Variants in CSMD1 observed in about 807,000 individuals in gnomAD.
CSMD1 encodes CUB and sushi domain-containing protein 1.
A neutral mutation model predicts 417.5 loss-of-function variants in CSMD1; 213 were observed. The ratio of observed to expected loss-of-function variants is 0.51; its 90% CI spans 0.46 to 0.57. The LOEUF is 0.57. Ranked by LOEUF, CSMD1 falls within the 20% of genes least tolerant of loss-of-function variation. The pLI, the probability that CSMD1 is intolerant of heterozygous loss-of-function variation, is 0.00. For synonymous variants in CSMD1, 2,862 were observed against 1,736.8 expected (o/e 1.65, Z -16.11); for missense variants, 6,923 against 4,529.7 (o/e 1.53, Z -15.17).
chr8:3,345,115 G>A (rs1375294056), intron 22 of CSMD1, among the ~76,000 whole-genome samples: 1 of 152,120 alleles, frequency 6.6e-6, no homozygotes, highest in African/African-American at 2.4e-5. Flanking sequence ...CATAAAGATG[G>A]GGAAATACGA....
intron 3 of CSMD1, among the ~76,000 whole-genome samples, chr8:4,070,961 C>T (rs1433138012): frequency 6.6e-6 from 1 of 152,156 alleles, no homozygotes; most frequent in Non-Finnish European, 1.5e-5. Flanking sequence ...GTAAAATCAG[C>T]AATAATTTAA....
chr8:4,369,859 A>G (rs1387767096), intron 3 of CSMD1, among the ~76,000 whole-genome samples: 1 of 152,192 alleles, frequency 6.6e-6, no homozygotes, highest in African/African-American at 2.4e-5. Flanking sequence ...GGAAGACAGC[A>G]GAGAGTTGGG....
chr8:4,734,294 T>C (rs1810086182), intron 1 of CSMD1, among the ~76,000 whole-genome samples: 1 of 152,158 alleles, frequency 6.6e-6, no homozygotes, highest in Non-Finnish European at 1.5e-5. Context: ...TGAGCAGTAC[T>C]AAAAAAGCAA....
intron 25 of CSMD1, among the ~76,000 whole-genome samples, chr8:3,294,196 C>G (rs371195838): frequency 6.6e-6 from 1 of 151,784 alleles, no homozygotes; most frequent in Non-Finnish European, 1.5e-5. Flanking sequence ...AGTTTTGTCT[C>G]AGAGTACCAG....
intron 1 of CSMD1, among the ~76,000 whole-genome samples, chr8:4,662,766 C>T (rs59411106): frequency 0.034 from 5,205 of 152,272 alleles, 320 homozygotes; most frequent in African/African-American, 0.12. Context: ...ATGGATGATG[C>T]TCACATTCCT....
chr8:3,674,698 G>T (rs529518647), intron 7 of CSMD1, among the ~76,000 whole-genome samples: 2 of 152,110 alleles, frequency 1.3e-5, no homozygotes, highest in African/African-American at 4.8e-5. Context: ...GGCAGAGAAT[G>T]AGATGAGAGC....
intron 1 of CSMD1, among the ~76,000 whole-genome samples, chr8:4,744,498 G>C (rs911451012): frequency 3.3e-5 from 5 of 152,190 alleles, no homozygotes; most frequent in Middle Eastern, 3.4e-3. Flanking sequence ...TTTAGCATAG[G>C]TTTTTCTTTG....
intron 2 of CSMD1, among the ~76,000 whole-genome samples, chr8:4,430,696 G>C (rs532132528): frequency 6.6e-6 from 1 of 151,658 alleles, no homozygotes; most frequent in Non-Finnish European, 1.5e-5. Context: ...ATAGACTATC[G>C]GAAACAAAAA....
intron 3 of CSMD1, among the ~76,000 whole-genome samples, chr8:4,097,730 T>G (rs938056180): frequency 2.0e-5 from 3 of 152,182 alleles, no homozygotes; most frequent in African/African-American, 4.8e-5. Context: ...GGTTAATACT[T>G]AAAAAACAAA....
chr8:3,318,629 GC>G (rs1212513730), intron 23 of CSMD1, among the ~76,000 whole-genome samples: 9 of 152,184 alleles, frequency 5.9e-5, no homozygotes, highest in African/African-American at 2.2e-4. Flanking sequence ...GCATGGTTTT[GC>G]CCTTTGGGAC....
intron 3 of CSMD1, among the ~76,000 whole-genome samples, chr8:4,325,279 C>A (rs73504698): frequency 1.3e-5 from 2 of 152,160 alleles, no homozygotes; most frequent in African/African-American, 4.8e-5. Flanking sequence ...TCCCCACTAA[C>A]CAAGTATTCC....
intron 1 of CSMD1, among the ~76,000 whole-genome samples, chr8:4,889,389 C>A (rs948131758): frequency 2.6e-5 from 4 of 152,092 alleles, no homozygotes; most frequent in Non-Finnish European, 5.9e-5. Context: ...TGAGAAACCA[C>A]CAAATGCAGT....
intron 3 of CSMD1, among the ~76,000 whole-genome samples, chr8:4,138,502 T>A (rs1803576542): frequency 6.6e-6 from 1 of 152,098 alleles, no homozygotes; most frequent in Non-Finnish European, 1.5e-5. Flanking sequence ...ACTAAAAATG[T>A]ACAAAATCTC....
intron 8 of CSMD1, among the ~76,000 whole-genome samples, chr8:3,594,942 A>G (rs560360054): frequency 3.3e-5 from 5 of 152,230 alleles, no homozygotes; most frequent in Admixed American, 6.5e-5. Flanking sequence ...AATTCAGAAC[A>G]TCTCCTAGAT....
intron 1 of CSMD1, among the ~76,000 whole-genome samples, chr8:4,937,051 C>A (rs1807669009): frequency 6.6e-6 from 1 of 151,978 alleles, no homozygotes; most frequent in African/African-American, 2.4e-5. Context: ...TCTGTATGAA[C>A]AATTAAAAAT....
chr8:3,679,791 C>A (rs183405721), intron 7 of CSMD1, among the ~76,000 whole-genome samples: 4 of 152,294 alleles, frequency 2.6e-5, no homozygotes, highest in African/African-American at 9.6e-5. Flanking sequence ...GGAAGTAAAG[C>A]TCTCCTCAGC....
At chr8:4,381,788 G>A (rs1156938719) in intron 3 of CSMD1, among the ~76,000 whole-genome samples, 2 of 151,948 alleles carry the variant, frequency 1.3e-5, no homozygotes, top group African/African-American at 2.4e-5. Flanking sequence ...TTTTCTAGTT[G>A]ACCTTTTTCT....
chr8:4,125,664 C>A (rs1174473579), intron 3 of CSMD1, among the ~76,000 whole-genome samples: 1 of 152,156 alleles, frequency 6.6e-6, no homozygotes, highest in Admixed American at 6.5e-5. Flanking sequence ...TTGCTTCTAA[C>A]CTTTAAGTTG....
At chr8:3,967,807 G>C (rs1439494340) in intron 5 of CSMD1, among the ~76,000 whole-genome samples, 2 of 151,976 alleles carry the variant, frequency 1.3e-5, no homozygotes, top group Non-Finnish European at 2.9e-5. Flanking sequence ...CAATTTGCTT[G>C]AGAATATACG....
Sources: gnomAD v4.1 joint callset for allele counts (sites outside exome capture counted in the v4.1 genomes callset) on GRCh38, gnomAD v4.1.1 for gene constraint, MANE v1.5 for transcripts, NCBI Gene and HGNC (gene_info 2026-07-23, HGNC 2026-07-21) for gene names.